The following LRP2 variants were observed in gnomAD, a reference collection of about 807,000 sequenced individuals.
The protein encoded by LRP2 is low-density lipoprotein receptor-related protein 2.
Under a neutral mutation model 531.0 loss-of-function variants are expected in LRP2, and 172 were observed. The ratio of observed to expected loss-of-function variants is 0.32; its 90% CI spans 0.29 to 0.37. The LOEUF (loss-of-function observed/expected upper bound fraction) is 0.37, where lower values mean the gene tolerates loss of function less well. LRP2 is among the 10% of genes least tolerant of loss of function. The probability of loss-of-function intolerance (pLI) is 1.00; values close to 1 mark genes in which losing one functional copy is unlikely to be tolerated. For synonymous variants in LRP2, 1,992 were observed against 2,027.6 expected, an observed-to-expected ratio of 0.98 and a Z score of 0.47; for missense variants, 5,167 against 5,868.3, an observed-to-expected ratio of 0.88 and a Z score of 3.90.
chr2:169,344,778 T>C (rs924696015), intron 1 of LRP2, among the ~76,000 whole-genome samples: 3 of 152,178 alleles, frequency 2.0e-5, no homozygotes, highest in Non-Finnish European at 2.9e-5. Flanking sequence ...CAACTACTGC[T>C]CTCACTAAAT....
At chr2:169,344,086 A>G (rs2105563813) in intron 1 of LRP2, among the ~76,000 whole-genome samples, 1 of 152,254 alleles carries the variant, frequency 6.6e-6, no homozygotes, top group African/African-American at 2.4e-5. Context: ...GGCATAGGAT[A>G]TGGTTTTATA....
chr2:169,144,531 T>C (rs143306114), intron 70 of LRP2, among the ~76,000 whole-genome samples: 15 of 152,272 alleles, frequency 9.9e-5, no homozygotes, highest in African/African-American at 3.1e-4. Flanking sequence ...GGAGGGGAGA[T>C]AGCCTTTCCA....
chr2:169,238,006 G>A, intron 27 of LRP2, 85 bp downstream of exon 27: 2 of 1,112,080 alleles, frequency 1.8e-6, no homozygotes, highest in Non-Finnish European at 2.7e-6. Flanking sequence ...AGATGAGGTA[G>A]GGCCTTCTCT....
chr2:169,267,062 C>CT (rs907576893), intron 16 of LRP2, among the ~76,000 whole-genome samples: 2 of 151,128 alleles, frequency 1.3e-5, no homozygotes, highest in African/African-American at 4.9e-5. Context: ...TAATTTTTTT[C>CT]TTTTTTTGGT....
Position 169,294,241 on chromosome 2 carries a change from C to T in LRP2, c.559G>A (p.Glu187Lys), listed in dbSNP as rs1411684306. The change falls in exon 6 of 79, where the codon GAG (glutamate) becomes AAG (lysine). Residue 187 changes from glutamate (E) to lysine (K), a missense_variant. This residue lies in a region of LRP2 where 2,811 missense variants were observed against 3,058.0 expected (regional missense o/e 0.92). Transcript: ENST00000649046. ...INCTEICLHN[E>K]FSCGNGECIP... is the part of the protein sequence containing the mutation. ...CACTCTCCATTGCCACATGAAAACTCATTGTGCAAGCATATCTCAGCTGCA... is the reference window on the plus strand; with the variant it reads ...CACTCTCCATTGCCACATGAAAACTTATTGTGCAAGCATATCTCAGCTGCA... 6 of 1,610,970 alleles carry T rather than the reference C, an allele frequency of 3.7e-6. No individual in the cohort carries two copies. The highest frequency in any genetic ancestry group is 4.2e-6 in the Non-Finnish European group (5 of 1,177,284).
At chr2:169,288,813 T>A (rs1225364149) in intron 9 of LRP2, among the ~76,000 whole-genome samples, 1 of 152,228 alleles carries the variant, frequency 6.6e-6, no homozygotes, top group African/African-American at 2.4e-5. Context: ...AACTCGCTCA[T>A]GACAGAACCA....
At chr2:169,245,486 A>C (rs1427030499) in intron 21 of LRP2, among the ~76,000 whole-genome samples, 1 of 152,230 alleles carries the variant, frequency 6.6e-6, no homozygotes, top group Non-Finnish European at 1.5e-5. Context: ...AAAATGTACA[A>C]GTGAGCACTT....
At chr2:169,344,503 T>G (rs113001766) in intron 1 of LRP2, among the ~76,000 whole-genome samples, 1 of 152,208 alleles carries the variant, frequency 6.6e-6, no homozygotes, top group South Asian at 2.1e-4. Context: ...TTTAGTTGTA[T>G]ATTTGTATGG....
In LRP2 at chr2:169,328,254, C is replaced by T. The variant is rs1453884662; in HGVS notation, c.80-7370G>A. On this transcript the variant is annotated intron_variant, in intron 1 of 78. Transcript: ENST00000649046. Reference sequence around the variant, plus strand: ...GAGGGAGGTGGGGGGGTCAGCGCCCCGCCCGGCCAGCCGCCCCGTCCGGGA... The same window carrying T: ...GAGGGAGGTGGGGGGGTCAGCGCCCTGCCCGGCCAGCCGCCCCGTCCGGGA... Among the ~76,000 whole-genome samples, 4 of 107,792 alleles carry T rather than the reference C, an allele frequency of 3.7e-5. 1 individual carries two copies. The highest frequency in any genetic ancestry group is 1.8e-4 in the Admixed American group (2 of 11,416). 70.7% of individuals were successfully genotyped at this position (107,792 alleles called of 152,430 possible).
intron 1 of LRP2, among the ~76,000 whole-genome samples, chr2:169,336,065 A>C (rs1389610495): frequency 1.3e-5 from 2 of 151,800 alleles, no homozygotes; most frequent in Non-Finnish European, 2.9e-5. Flanking sequence ...CTAATTCTCT[A>C]AACTTTCTCT....
intron 12 of LRP2, among the ~76,000 whole-genome samples, chr2:169,279,008 A>C (rs1003034468): frequency 2.0e-5 from 3 of 152,230 alleles, no homozygotes; most frequent in African/African-American, 7.2e-5. Context: ...TCATCTTAAT[A>C]ATAATGAAGC....
chr2:169,334,665 A>G (rs897574173), intron 1 of LRP2, among the ~76,000 whole-genome samples: 1 of 152,176 alleles, frequency 6.6e-6, no homozygotes, highest in African/African-American at 2.4e-5. Context: ...TCCAAACTCT[A>G]AGTTCCATGA....
chr2:169,139,109 A>G lies in LRP2; in HGVS notation c.13388+142T>C. ...TTGGGATTTGAAGTGACTGCTTTACATCCTCACTACTTTTTGTTTCTGTGG... is the reference window on the plus strand; with the variant it reads ...TTGGGATTTGAAGTGACTGCTTTACGTCCTCACTACTTTTTGTTTCTGTGG... On this transcript the variant is annotated intron_variant, in intron 74 of 78. Transcript: ENST00000649046. 2.4e-6 allele frequency: 3 copies of G among 1,228,010 alleles called. No homozygotes were observed. The Admixed American group carries it at 5.4e-5, about 22-fold the overall frequency. 76.1% of individuals were successfully genotyped at this position (1,228,010 alleles called of 1,614,324 possible).
chr2:169,189,149 G>GA (rs1687744338), intron 48 of LRP2, among the ~76,000 whole-genome samples: 1 of 152,092 alleles, frequency 6.6e-6, no homozygotes, highest in Non-Finnish European at 1.5e-5. Flanking sequence ...ATGCATCAAG[G>GA]AATCTTTGAT....
intron 52 of LRP2, among the ~76,000 whole-genome samples, chr2:169,179,950 T>C (rs1687367202): frequency 6.6e-6 from 1 of 152,146 alleles, no homozygotes; most frequent in Admixed American, 6.5e-5. Flanking sequence ...CCTCATATTA[T>C]GATTTGACTT....
chr2:169,170,596 C>T lies in LRP2; in HGVS notation c.11335G>A (p.Asp3779Asn), dbSNP rs199583537. The change falls in exon 59 of 79, where the codon GAC (aspartate) becomes AAC (asparagine). Residue 3779 changes from aspartate (D) to asparagine (N), a missense_variant. Asp to Asn is a conservative substitution (Grantham distance 23, BLOSUM62 1). Around this residue, in one of 6 missense-constraint regions of LRP2, gnomAD observed 564 missense variants for 747.7 expected, o/e 0.75. Coordinates refer to ENST00000649046, the MANE Select transcript of LRP2 (RefSeq NM_004525.3). Reference protein sequence around the residue: ...QQCIPSRWICDHYNDCGDNSD... With the variant: ...QQCIPSRWICNHYNDCGDNSD... ...TTGTCCCCACAGTCGTTGTAATGGT[C>T]ACAGATCCATCGCGAGGGAATGCAC... 1.3e-4 allele frequency: 217 copies of T among 1,614,094 alleles called. 3 individuals are homozygous for T. The highest frequency in any genetic ancestry group is 9.6e-4 in the South Asian group (87 of 91,068).
At position 169,152,835 on chromosome 2, in the gene LRP2, A is replaced by C. The variant is rs747004549; in HGVS notation, c.12425T>G (p.Met4142Arg). The change falls in exon 67 of 79, where the codon ATG becomes AGG. Residue 4142 changes from methionine to arginine, a missense_variant. By Grantham distance (91) the Met-to-Arg change is moderately conservative. This residue lies in a region of LRP2 where 564 missense variants were observed against 747.7 expected (regional missense o/e 0.75). Coordinates refer to ENST00000649046, the MANE Select transcript of LRP2 (RefSeq NM_004525.3). ...GTCCACTGCTATTCCATCTGGCTGCATTACGTATTTCAGTTTCAGGTCAAC... is the reference window on the plus strand; with the variant it reads ...GTCCACTGCTATTCCATCTGGCTGCCTTACGTATTTCAGTTTCAGGTCAAC... The part of the protein sequence containing the change: ...QEVDLKLKYV[M>R]QPDGIAVDWV... The C allele has an allele frequency of 1.9e-6, 3 of 1,613,944 alleles. No individual in the cohort carries two copies. Among genetic ancestry groups the C allele is most frequent in the African/African-American group, 2.7e-5 (2 of 74,906 alleles).
chr2:169,314,721 C>T (rs990640397), intron 3 of LRP2, among the ~76,000 whole-genome samples: 20 of 152,136 alleles, frequency 1.3e-4, no homozygotes, highest in African/African-American at 4.8e-4. Context: ...ACCTGTGGGT[C>T]CAATTTTACT....
intron 45 of LRP2, among the ~76,000 whole-genome samples, chr2:169,198,374 A>G (rs1037255115): frequency 2.6e-5 from 4 of 152,198 alleles, no homozygotes; most frequent in African/African-American, 7.2e-5. Context: ...TGATCACACC[A>G]CTACACTACA....
Sources: gnomAD v4.1 joint callset for allele counts (sites outside exome capture counted in the v4.1 genomes callset) on GRCh38, gnomAD v4.1.1 for gene constraint, gnomAD v4.1.1 regional missense constraint, MANE v1.5 for transcripts, NCBI Gene and HGNC (gene_info 2026-07-23, HGNC 2026-07-21) for gene names.